Variants in EIPR1 observed in about 807,000 individuals in gnomAD.
EIPR1 encodes the protein EARP complex and GARP complex interacting protein 1, also known as EARP and GARP complex-interacting protein 1.
In EIPR1, 25 loss-of-function variants were observed where a neutral mutation model predicts 48.1. That is an observed-to-expected ratio of 0.52 (90% confidence interval 0.38 to 0.73). The LOEUF is 0.73. Ranked by LOEUF, EIPR1 falls within the 30% of genes least tolerant of loss-of-function variation. EIPR1 has a pLI of 0.00. For missense variants in EIPR1, 415 were observed against 506.2 expected (o/e 0.82, Z 1.73); for synonymous variants, 204 against 201.9 (o/e 1.01, Z -0.09).
chr2:3,257,174 CT>C (rs1667183332), intron 4 of EIPR1, 124 bp downstream of exon 4: 1 of 1,126,330 alleles, frequency 8.9e-7, no homozygotes, highest in African/African-American at 1.6e-5. Context: ...ATTCTCGCAG[CT>C]TTTTAAAAGA....
At chr2:3,328,882 T>A (rs1180116025) in intron 3 of EIPR1, among the ~76,000 whole-genome samples, 1 of 131,618 alleles carries the variant, frequency 7.6e-6, no homozygotes, top group African/African-American at 2.9e-5. Context: ...CCCACCACAC[T>A]CTAATGATCT....
chr2:3,251,626 T>C (rs890158652), intron 4 of EIPR1, among the ~76,000 whole-genome samples: 2 of 152,194 alleles, frequency 1.3e-5, no homozygotes, highest in African/African-American at 4.8e-5. Context: ...CAAGTCACTA[T>C]AGCTGACGAA....
intron 1 of EIPR1, among the ~76,000 whole-genome samples, chr2:3,369,314 G>T (rs1671050636): frequency 2.0e-5 from 3 of 152,360 alleles, no homozygotes; most frequent in East Asian, 1.9e-4. Flanking sequence ...CAACGCAGAA[G>T]ACGGGTGATT....
chr2:3,198,786 C>T (rs1664898902), intron 5 of EIPR1, among the ~76,000 whole-genome samples: 2 of 152,036 alleles, frequency 1.3e-5, no homozygotes, highest in African/African-American at 4.8e-5. Flanking sequence ...GCTCCAAGGG[C>T]AACAGAAGAT....
intron 3 of EIPR1, among the ~76,000 whole-genome samples, chr2:3,267,060 T>C (rs1359364780): frequency 6.6e-6 from 1 of 152,198 alleles, no homozygotes. Context: ...CCAGTCCTAC[T>C]GGACCCAACA....
intron 1 of EIPR1, among the ~76,000 whole-genome samples, chr2:3,369,599 G>A (rs182068070): frequency 3.3e-5 from 5 of 152,226 alleles, no homozygotes; most frequent in Admixed American, 6.5e-5. Flanking sequence ...CACCTGGCTC[G>A]GAGGGTCCTA....
intron 4 of EIPR1, among the ~76,000 whole-genome samples, chr2:3,235,007 G>A (rs188828307): frequency 6.6e-6 from 1 of 152,214 alleles, no homozygotes; most frequent in East Asian, 1.9e-4. Flanking sequence ...TTTCATAAAA[G>A]GTGAGAAAAG....
intron 3 of EIPR1, among the ~76,000 whole-genome samples, chr2:3,336,772 A>C (rs985977037): frequency 4.0e-5 from 6 of 151,802 alleles, no homozygotes; most frequent in Non-Finnish European, 5.9e-5. Flanking sequence ...TGTCAAGAAA[A>C]GAAAAGGAAA....
chr2:3,277,313 T>C (rs2100420), intron 3 of EIPR1, among the ~76,000 whole-genome samples: 87,507 of 150,340 alleles, frequency 0.58, 25,602 homozygotes, highest in East Asian at 0.76. Context: ...TGTCCTCTGT[T>C]CTCCATTCAA....
chr2:3,270,234 G>A (rs1009870489), intron 3 of EIPR1, among the ~76,000 whole-genome samples: 1 of 152,246 alleles, frequency 6.6e-6, no homozygotes, highest in African/African-American at 2.4e-5. Flanking sequence ...GCCCATCTGT[G>A]CCCACACGGG....
intron 2 of EIPR1, among the ~76,000 whole-genome samples, chr2:3,346,032 CAG>C (rs1326785214): frequency 1.3e-5 from 2 of 152,208 alleles, no homozygotes; most frequent in Non-Finnish European, 2.9e-5. Flanking sequence ...CCCTATGATC[CAG>C]AGTCCACACC....
At chr2:3,236,593 G>C (rs1666412888) in intron 4 of EIPR1, among the ~76,000 whole-genome samples, 1 of 152,236 alleles carries the variant, frequency 6.6e-6, no homozygotes, top group Non-Finnish European at 1.5e-5. Flanking sequence ...AGGCAGGCCA[G>C]GTACCATTTC....
intron 4 of EIPR1, among the ~76,000 whole-genome samples, chr2:3,255,809 A>G (rs1463998224): frequency 8.6e-6 from 1 of 116,216 alleles, no homozygotes; most frequent in Non-Finnish European, 1.8e-5. Flanking sequence ...ACACATTAAC[A>G]CATACACAAA....
chr2:3,292,372 G>A (rs1482292617), intron 3 of EIPR1, among the ~76,000 whole-genome samples: 2 of 152,068 alleles, frequency 1.3e-5, no homozygotes, highest in East Asian at 1.9e-4. Context: ...GCTGTTGGGG[G>A]GACAGCCCCC....
chr2:3,214,115 C>T, intron 5 of EIPR1, 34 bp downstream of exon 5: 2 of 1,580,768 alleles, frequency 1.3e-6, no homozygotes, highest in Non-Finnish European at 1.7e-6. Context: ...TTTAAAAATA[C>T]AGAAACAAAC....
rs926269170 is a variant in EIPR1, at chr2:3,286,550, T to A, written c.260-29095A>T. ...GAGGCATCAGGCTTCGGGCTGTGTC[T>A]ACCTTGGTGACTCTGGAAGCGTTTT... On this transcript the variant is annotated intron_variant, in intron 3 of 8. Coordinates refer to ENST00000382125, the MANE Select transcript of EIPR1 (RefSeq NM_003310.5). This position sits in a 1 kb window ranked among gnomAD's most constrained non-coding sequence, Gnocchi z 4.2. 2.0e-5 allele frequency among the ~76,000 whole-genome samples: 3 copies of A among 152,222 alleles called. No homozygotes were observed. The highest frequency in any genetic ancestry group is 7.2e-5 in the African/African-American group (3 of 41,462).
At chr2:3,276,483 G>A (rs1010049437) in intron 3 of EIPR1, among the ~76,000 whole-genome samples, 9 of 152,138 alleles carry the variant, frequency 5.9e-5, no homozygotes, top group African/African-American at 1.4e-4. Flanking sequence ...CTCTTCTAAC[G>A]TGGTCAGGAG....
intron 3 of EIPR1, among the ~76,000 whole-genome samples, chr2:3,295,496 TGC>T (rs1397466199): frequency 1.3e-4 from 16 of 120,550 alleles, no homozygotes; most frequent in African/African-American, 4.3e-4. Flanking sequence ...CCATCCTCTC[TGC>T]ACACATACAC....
intron 3 of EIPR1, among the ~76,000 whole-genome samples, chr2:3,334,807 G>A (rs1669996692): frequency 6.6e-6 from 1 of 152,218 alleles, no homozygotes; most frequent in Admixed American, 6.5e-5. Context: ...TCCTTGAGAG[G>A]CTGACAGATT....
Sources: allele counts gnomAD v4.1 joint callset (sites outside exome capture counted in the v4.1 genomes callset), GRCh38; gene constraint gnomAD v4.1.1; non-coding constraint Gnocchi (gnomAD v3.1); transcripts MANE v1.5; gene names NCBI Gene and HGNC (gene_info 2026-07-23, HGNC 2026-07-21).